The following SYTL2 variants were observed in gnomAD, a reference collection of about 807,000 sequenced individuals.
The protein encoded by SYTL2 is synaptotagmin like 2, also known as synaptotagmin-like protein 2.
A neutral mutation model predicts 198.7 loss-of-function variants in SYTL2; 165 were observed. The observed-to-expected ratio is 0.83, with a 90% CI of 0.73 to 0.94. The LOEUF is 0.94. Ranked by LOEUF, SYTL2 falls within the 40% of genes least tolerant of loss-of-function variation. SYTL2 has a pLI of 0.00. For missense variants in SYTL2, 2,835 were observed against 2,582.8 expected (o/e 1.10, Z -2.12); for synonymous variants, 966 against 917.7 (o/e 1.05, Z -0.95).
chr11:85,786,401 C>A (rs924722621), intron 1 of SYTL2, among the ~76,000 whole-genome samples: 3 of 152,112 alleles, frequency 2.0e-5, no homozygotes, highest in Non-Finnish European at 4.4e-5. Flanking sequence ...CATATGCACA[C>A]ACACATTAGT....
At chr11:85,718,568 T>C in intron 10 of SYTL2, 1 of 555,812 alleles carries the variant, frequency 1.8e-6, no homozygotes, top group Non-Finnish European at 3.2e-6. Flanking sequence ...CACAAGGGTC[T>C]CTGATGAGAT....
chr11:85,756,241 C>G (rs2091857441), intron 2 of SYTL2, among the ~76,000 whole-genome samples: 1 of 152,198 alleles, frequency 6.6e-6, no homozygotes, highest in African/African-American at 2.4e-5. Flanking sequence ...CCTGGGGACA[C>G]TGTTTAAGGC....
At position 85,734,102 on chromosome 11, in the gene SYTL2, CTGA is replaced by C; in HGVS notation, c.1224_1226del (p.His408del). 6.2e-7 allele frequency: 1 copy of C among 1,614,156 alleles called. No individual in the cohort carries two copies. On this transcript the variant is annotated inframe_deletion, in exon 7 of 20. Transcript: ENST00000359152. Reference sequence around the variant, plus strand: ...TTGGAAAAGAACCAGAAGTCATTGGCTGATGTGTTTCACTTTTTGATACATATG... The same window carrying C: ...TTGGAAAAGAACCAGAAGTCATTGGCTGTGTTTCACTTTTTGATACATATG...
intron 9 of SYTL2, among the ~76,000 whole-genome samples, chr11:85,720,075 T>C (rs2153452639): frequency 1.3e-5 from 2 of 152,274 alleles, no homozygotes; most frequent in Middle Eastern, 3.4e-3. Context: ...TCTTTATATA[T>C]TATGTTTTCT....
chr11:85,765,875 C>T (rs2092225997), intron 1 of SYTL2, among the ~76,000 whole-genome samples: 1 of 152,108 alleles, frequency 6.6e-6, no homozygotes, highest in Non-Finnish European at 1.5e-5. Context: ...ACTTACAATA[C>T]CCCTAGGAAT....
At position 85,724,999 on chromosome 11, in the gene SYTL2, T is replaced by G. The variant is rs114329983; in HGVS notation, c.4359A>C (p.Gln1453His). 1 of 1,614,068 alleles carries G rather than the reference T, an allele frequency of 6.2e-7. No homozygotes were observed. The highest frequency in any genetic ancestry group is 1.1e-5 in the South Asian group (1 of 91,036). ...THEVGSYLAA[Q>H]MSPSDQTLSS... ...TAAGCGTCTGGTCTGATGGAGACAT[T>G]TGGGCAGCTAAATAAGATCCAACTT... is the stretch of plus-strand genomic sequence containing the variant. Residue 1453 changes from glutamine (Q) to histidine (H), a missense_variant, in exon 8 of 20, where the codon CAA becomes CAC. By Grantham distance (24) the Gln-to-His change is conservative. Transcript: ENST00000359152.
At chr11:85,717,658 G>T in intron 10 of SYTL2, 128 bp from the exon 11 acceptor site, 1 of 795,988 alleles carries the variant, frequency 1.3e-6, no homozygotes, top group Non-Finnish European at 2.2e-6. Context: ...TTTTCATCTT[G>T]CTTTCATCCA....
the SYTL2 span, chr11:85,854,233 A>T: frequency 6.6e-6 from 1 of 151,952 alleles, no homozygotes; most frequent in Non-Finnish European, 1.5e-5. Context: ...TATAAATCAT[A>T]ATATTATCAA....
intron 1 of SYTL2, among the ~76,000 whole-genome samples, chr11:85,768,303 T>A (rs189584108): frequency 5.9e-5 from 9 of 152,208 alleles, no homozygotes; most frequent in African/African-American, 2.2e-4. Flanking sequence ...ATACCCCCAA[T>A]AGAAGAAGTG....
chr11:85,822,886 AT>A, the SYTL2 span, among the ~76,000 whole-genome samples: 1 of 152,262 alleles, frequency 6.6e-6, no homozygotes, highest in Non-Finnish European at 1.5e-5. Context: ...GCAAAAAGCA[AT>A]GACTTCCCAA....
chr11:85,714,713 T>C lies in SYTL2; in HGVS notation c.5531-206A>G, dbSNP rs1431941736. 5.7e-6 allele frequency: 7 copies of C among 1,235,598 alleles called. No individual in the cohort carries two copies. In the East Asian group the frequency reaches 1.1e-4, roughly 19 times the overall value. The allele number at this position is 1,235,598 out of a possible 1,614,324, so 76.5% of individuals were successfully genotyped here. On this transcript the variant is annotated intron_variant, in intron 11 of 19. Transcript: ENST00000359152. ...ATATAGAGAGAGAACTAGCAAGGAG[T>C]TGAACCAAATACAAAACAAAGTTAA...
At chr11:85,719,818 C>T (rs185123723) in intron 9 of SYTL2, among the ~76,000 whole-genome samples, 2 of 152,242 alleles carry the variant, frequency 1.3e-5, no homozygotes, top group East Asian at 3.9e-4. Context: ...GGTGAAGTGG[C>T]TTTTTCTTTT....
intron 1 of SYTL2, among the ~76,000 whole-genome samples, chr11:85,789,352 A>ATATATATATATATATATATG (rs2092691176): frequency 5.4e-5 from 2 of 36,988 alleles, no homozygotes; most frequent in Non-Finnish European, 1.1e-4. Flanking sequence ...ATATATATAT[A>ATATATATATATATATATATG]TATATATATA....
chr11:85,726,642 T>C lies in SYTL2; in HGVS notation c.2716A>G (p.Lys906Glu), dbSNP rs1419640464. Residue 906 changes from lysine (K) to glutamate (E), a missense_variant, in exon 8 of 20, where the codon AAG becomes GAG. Transcript: ENST00000359152. ...QSDKVSLFQN[K>E]KNEPIKRSQV... ...GATCTTTTTATAGGCTCATTTTTCT[T>C]ATTCTGAAACAGAGACACTTTATCT... 2 of 1,537,532 alleles carry C rather than the reference T, an allele frequency of 1.3e-6. No individual in the cohort carries two copies.
the SYTL2 span, among the ~76,000 whole-genome samples, chr11:85,837,376 A>C: frequency 1.3e-5 from 2 of 152,156 alleles, no homozygotes; most frequent in Non-Finnish European, 2.9e-5. Flanking sequence ...AAGAAAGGCA[A>C]TGTGAGGACA....
chr11:85,717,603 C>A, intron 10 of SYTL2, 73 bp from the exon 11 acceptor site: 2 of 1,285,450 alleles, frequency 1.6e-6, no homozygotes, highest in South Asian at 1.2e-5. Flanking sequence ...AAGTAAAGCT[C>A]AAATGTCAGT....
rs1443841146 is a variant in SYTL2 at position 85,797,662 on chromosome 11, A to G, written c.-390+13292T>C. On this transcript the variant is annotated intron_variant, in intron 1 of 19. Transcript: ENST00000359152. ...AAAAGAAAAGAAAAAGAAAAAGAAA[A>G]CATTAGTCTTTATTATTATTGTCCC... Among the ~76,000 whole-genome samples the G allele has an allele frequency of 5.9e-5, 9 of 151,966 alleles. No homozygotes were observed. The East Asian group carries it at 1.5e-3, about 26-fold the overall frequency.
At chr11:85,696,477 T>C (rs761420549) in intron 18 of SYTL2, 89 bp from the exon 19 acceptor site, 77 of 1,096,578 alleles carry the variant, frequency 7.0e-5, no homozygotes, top group Non-Finnish European at 9.5e-5. Flanking sequence ...TATTAAAGAT[T>C]GACAATGGAG....
the SYTL2 span, among the ~76,000 whole-genome samples, chr11:85,837,255 G>C: frequency 1.3e-5 from 2 of 152,276 alleles, no homozygotes; most frequent in South Asian, 4.1e-4. Flanking sequence ...CCTTCACGGA[G>C]GCAATTAAGG....
Sources: gnomAD v4.1 joint callset for allele counts (sites outside exome capture counted in the v4.1 genomes callset) on GRCh38, gnomAD v4.1.1 for gene constraint, MANE v1.5 for transcripts, NCBI Gene and HGNC (gene_info 2026-07-23, HGNC 2026-07-21) for gene names.